The following KLF8 variants were observed in gnomAD, a reference collection of about 807,000 sequenced individuals.
KLF8 encodes Krueppel-like factor 8.
Under a neutral mutation model 18.2 loss-of-function variants are expected in KLF8, and 10 were observed. The ratio of observed to expected loss-of-function variants is 0.55; its 90% CI spans 0.34 to 0.93. The LOEUF (loss-of-function observed/expected upper bound fraction) is 0.93. Among genes scored for constraint, KLF8 ranks in the 40% least tolerant of loss-of-function variants. The pLI is 0.02. For missense variants in KLF8, 264 were observed against 277.9 expected (o/e 0.95, Z 0.36); for synonymous variants, 109 against 97.3 (o/e 1.12, Z -0.71).
At chrX:55,981,657 A>G in the KLF8 span, among the ~76,000 whole-genome samples, 1 of 112,014 alleles carries the variant, frequency 8.9e-6, no homozygotes, top group African/African-American at 3.2e-5. Context: ...TGGAACAATG[A>G]ATTAACCTCA....
chrX:56,189,443 C>A, the KLF8 span, among the ~76,000 whole-genome samples: 16 of 111,185 alleles, frequency 1.4e-4, no homozygotes, highest in African/African-American at 4.9e-4. Flanking sequence ...TAGTTCAACC[C>A]TTGTGGAAGT....
chrX:56,032,745 G>T, the KLF8 span, among the ~76,000 whole-genome samples: 3 of 112,061 alleles, frequency 2.7e-5, no homozygotes, highest in Admixed American at 2.8e-4. Flanking sequence ...GGACACTTCA[G>T]TAGTTTCCAA....
chrX:55,947,714 G>T, the KLF8 span, among the ~76,000 whole-genome samples: 2 of 111,468 alleles, frequency 1.8e-5, no homozygotes, highest in East Asian at 2.8e-4. Context: ...TTTGAGTTTT[G>T]TGCCTAAGTC....
chrX:56,284,794 A>G lies in KLF8; in HGVS notation c.*300A>G. 4.1e-6 allele frequency: 1 copy of G among 241,182 alleles called. No individual in the cohort carries two copies. The highest frequency in any genetic ancestry group is 7.4e-6 in the Non-Finnish European group (1 of 135,146). 19.9% of individuals were successfully genotyped at this position (241,182 alleles called of 1,213,427 possible). On this transcript the variant is annotated 3_prime_UTR_variant, in exon 6 of 6. Transcript: ENST00000468660. Reference sequence around the variant, plus strand: ...CTCTGAAATAGGACATTTTTCCTACAGTAACAAAACAGGAATCAAACTCAA... The same window carrying G: ...CTCTGAAATAGGACATTTTTCCTACGGTAACAAAACAGGAATCAAACTCAA...
At chrX:56,057,647 C>T in the KLF8 span, among the ~76,000 whole-genome samples, 1 of 111,315 alleles carries the variant, frequency 9.0e-6, no homozygotes, top group Non-Finnish European at 1.9e-5. Context: ...AGGCTGGGGC[C>T]AACTGGAGAG....
At chrX:55,953,746 G>T in the KLF8 span, among the ~76,000 whole-genome samples, 1 of 110,547 alleles carries the variant, frequency 9.0e-6, no homozygotes, top group Non-Finnish European at 1.9e-5. Context: ...TCAGCAAATG[G>T]TGCTGAGATA....
chrX:55,937,116 G>A, the KLF8 span, among the ~76,000 whole-genome samples: 48 of 111,229 alleles, frequency 4.3e-4, no homozygotes, highest in African/African-American at 1.4e-3. Context: ...TAACTGGGAG[G>A]CACCCCAGAG....
At chrX:56,091,990 T>G in the KLF8 span, among the ~76,000 whole-genome samples, 1 of 108,055 alleles carries the variant, frequency 9.3e-6, no homozygotes, top group East Asian at 2.9e-4. Flanking sequence ...TTTTTTTTTT[T>G]TTTTTTGACT....
chrX:56,177,742 G>A, the KLF8 span, among the ~76,000 whole-genome samples: 1 of 111,412 alleles, frequency 9.0e-6, no homozygotes, highest in Non-Finnish European at 1.9e-5. Context: ...AGCTGAGGTG[G>A]GCTCCACCCT....
the KLF8 span, among the ~76,000 whole-genome samples, chrX:56,158,237 C>T: frequency 9.0e-6 from 1 of 111,242 alleles, no homozygotes; most frequent in South Asian, 3.8e-4. Context: ...CTGTTCTGTT[C>T]CATTGGTCTA....
chrX:56,044,935 G>A, the KLF8 span, among the ~76,000 whole-genome samples: 1 of 112,353 alleles, frequency 8.9e-6, no homozygotes, highest in African/African-American at 3.2e-5. Flanking sequence ...TTTTGTTTTT[G>A]TTGTATTTGC....
chrX:56,046,814 T>C, the KLF8 span, among the ~76,000 whole-genome samples: 1 of 111,595 alleles, frequency 9.0e-6, no homozygotes, highest in East Asian at 2.8e-4. Flanking sequence ...AAAGATTTTT[T>C]CCTTTGTTTT....
chrX:56,158,690 C>A, the KLF8 span, among the ~76,000 whole-genome samples: 1 of 111,383 alleles, frequency 9.0e-6, no homozygotes, highest in African/African-American at 3.3e-5. Context: ...GGCTGTTTGT[C>A]TGTTATTGGT....
chrX:56,135,667 T>A, the KLF8 span, among the ~76,000 whole-genome samples: 1 of 110,442 alleles, frequency 9.1e-6, no homozygotes, highest in Non-Finnish European at 1.9e-5. Flanking sequence ...AACCTGCACA[T>A]TGTGCACATG....
chrX:56,149,715 T>C, the KLF8 span, among the ~76,000 whole-genome samples: 7 of 111,683 alleles, frequency 6.3e-5, no homozygotes, highest in Admixed American at 1.9e-4. Flanking sequence ...TATTTGCTAA[T>C]GTTAAAAATT....
At chrX:55,986,963 T>C in the KLF8 span, among the ~76,000 whole-genome samples, 6 of 111,882 alleles carry the variant, frequency 5.4e-5, no homozygotes, top group Admixed American at 5.7e-4. Flanking sequence ...TTTTGTTCTT[T>C]TTTAATGCCT....
At chrX:56,213,033 T>A in the KLF8 span, among the ~76,000 whole-genome samples, 1 of 111,643 alleles carries the variant, frequency 9.0e-6, no homozygotes, top group Non-Finnish European at 1.9e-5. Flanking sequence ...CTGGCACTGA[T>A]GCATGAAATA....
chrX:56,203,079 C>T, the KLF8 span, among the ~76,000 whole-genome samples: 18 of 111,238 alleles, frequency 1.6e-4, no homozygotes, highest in Admixed American at 2.9e-4. Flanking sequence ...TGTATCCTTG[C>T]CAACATTTAT....
the KLF8 span, among the ~76,000 whole-genome samples, chrX:56,139,483 C>T: frequency 9.0e-6 from 1 of 111,226 alleles, no homozygotes; most frequent in Non-Finnish European, 1.9e-5. Flanking sequence ...GAATGGAGAA[C>T]CCAGAAATAA....
Sources: allele counts gnomAD v4.1 joint callset (sites outside exome capture counted in the v4.1 genomes callset), GRCh38; gene constraint gnomAD v4.1.1; transcripts MANE v1.5; gene names NCBI Gene and HGNC (gene_info 2026-07-23, HGNC 2026-07-21).